Variants in SEMA5B observed in about 807,000 individuals in gnomAD.
SEMA5B encodes the protein semaphorin-5B.
A neutral mutation model predicts 135.0 loss-of-function variants in SEMA5B; 66 were observed. The ratio of observed to expected loss-of-function variants is 0.49; its 90% CI spans 0.40 to 0.60. SEMA5B has a LOEUF of 0.60. SEMA5B is among the 20% of genes least tolerant of loss of function. The probability of loss-of-function intolerance (pLI) is 0.00; values close to 1 mark genes in which losing one functional copy is unlikely to be tolerated. For synonymous variants in SEMA5B, 690 were observed against 639.5 expected (o/e 1.08, Z -1.19); for missense variants, 1,501 against 1,566.3 (o/e 0.96, Z 0.70).
chr3:122,964,700 A>G (rs953387796), intron 1 of SEMA5B, among the ~76,000 whole-genome samples: 2 of 151,664 alleles, frequency 1.3e-5, no homozygotes, highest in Non-Finnish European at 2.9e-5. Context: ...TTCTCCCTTT[A>G]CCCTTTGCTG....
At chr3:123,017,711 C>A (rs1942593643) in intron 1 of SEMA5B, among the ~76,000 whole-genome samples, 1 of 152,088 alleles carries the variant, frequency 6.6e-6, no homozygotes, top group African/African-American at 2.4e-5. Flanking sequence ...AGTTCAAGAC[C>A]AACCTGGCCA....
At chr3:122,979,321 G>T (rs1941443690) in intron 1 of SEMA5B, among the ~76,000 whole-genome samples, 1 of 152,182 alleles carries the variant, frequency 6.6e-6, no homozygotes, top group South Asian at 2.1e-4. Context: ...AGGAAGAAAT[G>T]GTTTTCTGCC....
intron 1 of SEMA5B, among the ~76,000 whole-genome samples, chr3:122,967,752 T>C (rs11717229): frequency 0.11 from 16,682 of 152,294 alleles, 1,084 homozygotes; most frequent in Middle Eastern, 0.15. Flanking sequence ...AGTCACTTGC[T>C]CAAGAATCTC....
In SEMA5B at chr3:123,007,862, A is replaced by G. The variant is rs866847138; in HGVS notation, c.-39+19602T>C. On this transcript the variant is annotated intron_variant, in intron 1 of 22. Coordinates refer to ENST00000357599, the MANE Select transcript of SEMA5B (RefSeq NM_001031702.4). ...CAGAAAATGAACTAAGACAGATACC[A>G]AGTACAGTATAAATCCAATTCCAGT... 3.9e-5 allele frequency among the ~76,000 whole-genome samples: 6 copies of G among 152,362 alleles called. No homozygotes were observed. In the Middle Eastern group the frequency reaches 0.014, roughly 345 times the overall value.
At position 123,018,338 on chromosome 3, in the gene SEMA5B, G is replaced by A. The variant is rs775282141; in HGVS notation, c.-39+9126C>T. On this transcript the variant is annotated intron_variant, in intron 1 of 22. Transcript: ENST00000357599. The stretch of plus-strand genomic sequence containing the variant: ...CTGGTTCTCCCGAGCTGAAGAGTAT[G>A]TTTTTCCATAGGAAGTCCTGCTTCT... Among the ~76,000 whole-genome samples the A allele has an allele frequency of 9.1e-4, 139 of 152,260 alleles. 3 individuals are homozygous for A. Among genetic ancestry groups the A allele is most frequent in the Non-Finnish European group, 2.1e-4 (14 of 68,044 alleles).
intron 8 of SEMA5B, among the ~76,000 whole-genome samples, chr3:122,927,284 T>G (rs1938689773): frequency 6.6e-6 from 1 of 152,186 alleles, no homozygotes; most frequent in Non-Finnish European, 1.5e-5. Flanking sequence ...ACTCCTAGGC[T>G]CAGGGCATCC....
At chr3:123,011,867 C>G (rs1025133858) in intron 1 of SEMA5B, among the ~76,000 whole-genome samples, 1 of 152,324 alleles carries the variant, frequency 6.6e-6, no homozygotes, top group Middle Eastern at 3.4e-3. Context: ...CCAGAAACCC[C>G]GCTCTGGGGC....
Position 122,909,967 on chromosome 3 carries a change from T to TC in SEMA5B, c.*175dup. 1.5e-6 allele frequency: 1 copy of TC among 647,262 alleles called. No individual in the cohort carries two copies. Among genetic ancestry groups the TC allele is most frequent in the Non-Finnish European group, 2.7e-6 (1 of 377,100 alleles). 40.1% of individuals were successfully genotyped at this position (647,262 alleles called of 1,614,324 possible). A position where few individuals can be genotyped will look rare whatever the true frequency, so the allele number is the denominator to read the frequency against. ...ATATGTCAGCCTGAAACCAGCCCTTTCCCCCATGGTCAATGCCAGCCAGAG... is the reference window on the plus strand; with the variant it reads ...ATATGTCAGCCTGAAACCAGCCCTTTCCCCCCATGGTCAATGCCAGCCAGAG... On this transcript the variant is annotated 3_prime_UTR_variant, in exon 23 of 23. Coordinates refer to ENST00000357599, the MANE Select transcript of SEMA5B (RefSeq NM_001031702.4).
At chr3:122,928,032 TTTCCCTGAGGCCCTGGGG>T (rs745900754) in intron 7 of SEMA5B, 29 bp from the exon 8 acceptor site, 1 of 1,425,442 alleles carries the variant, frequency 7.0e-7, no homozygotes, top group African/African-American at 1.5e-5. Context: ...AGGGGACACT[TTTCCCTGAGGCCCTGGGG>T]CTGCCTGTTC....
Position 122,932,285 on chromosome 3 carries a change from G to C in SEMA5B, c.475-3227C>G, listed in dbSNP as rs1413598706. On this transcript the variant is annotated intron_variant, in intron 5 of 22. Transcript: ENST00000357599. ...TTTTTTTTTTTGGAGAGAAGGTCTTGCTCTGTCCCCCAGGCTGGAGTACAG... is the reference window on the plus strand; with the variant it reads ...TTTTTTTTTTTGGAGAGAAGGTCTTCCTCTGTCCCCCAGGCTGGAGTACAG... 3.8e-5 allele frequency among the ~76,000 whole-genome samples: 4 copies of C among 106,666 alleles called. No homozygotes were observed. In the South Asian group the frequency reaches 1.3e-3, roughly 35 times the overall value. The allele number at this position is 106,666 out of a possible 152,430, so 70.0% of individuals were successfully genotyped here.
At chr3:122,945,503 T>C (rs1474253451) in intron 3 of SEMA5B, among the ~76,000 whole-genome samples, 7 of 152,190 alleles carry the variant, frequency 4.6e-5, no homozygotes, top group African/African-American at 1.7e-4. Context: ...ACATTCTCTC[T>C]ATTTTTCCAT....
At chr3:122,919,467 G>T (rs894685247) in intron 12 of SEMA5B, among the ~76,000 whole-genome samples, 1 of 152,186 alleles carries the variant, frequency 6.6e-6, no homozygotes, top group Non-Finnish European at 1.5e-5. Context: ...AAAAGAGGCA[G>T]TTGGAGATAA....
chr3:123,000,881 G>A (rs9834538), intron 1 of SEMA5B, among the ~76,000 whole-genome samples: 21,217 of 152,200 alleles, frequency 0.14, 2,295 homozygotes, highest in African/African-American at 0.3. Flanking sequence ...ACCTGCGTAC[G>A]TGGTCGTAGT....
At chr3:122,995,330 A>G (rs1410511912) in intron 1 of SEMA5B, among the ~76,000 whole-genome samples, 1 of 152,186 alleles carries the variant, frequency 6.6e-6, no homozygotes, top group African/African-American at 2.4e-5. Flanking sequence ...GTAGAACAGG[A>G]CAAGTTTCTC....
At position 122,992,215 on chromosome 3, in the gene SEMA5B, T is replaced by C. The variant is rs369423568; in HGVS notation, c.-38-30914A>G. Among the ~76,000 whole-genome samples, 12 of 152,324 alleles carry C rather than the reference T, an allele frequency of 7.9e-5. 1 individual carries two copies. Among genetic ancestry groups the C allele is most frequent in the East Asian group, 5.8e-4 (3 of 5,186 alleles). ...AAAAAAGAGTTCCCGTGCCCTTTCC[T>C]GGCAGTGCTGATAGCAAAGTGACTC... On this transcript the variant is annotated intron_variant, in intron 1 of 22. Transcript: ENST00000357599.
At chr3:122,982,602 TGCC>T (rs1328956218) in intron 1 of SEMA5B, among the ~76,000 whole-genome samples, 3 of 152,166 alleles carry the variant, frequency 2.0e-5, no homozygotes, top group Non-Finnish European at 4.4e-5. Context: ...TTTTTTCAAG[TGCC>T]CCAGCCCTCC....
intron 1 of SEMA5B, among the ~76,000 whole-genome samples, chr3:123,017,633 C>T (rs182898118): frequency 1.3e-5 from 2 of 152,218 alleles, no homozygotes; most frequent in Non-Finnish European, 2.9e-5. Context: ...GTTGGCCAGG[C>T]GCAGTGGCTC....
chr3:122,939,218 G>T (rs935314108), intron 5 of SEMA5B, among the ~76,000 whole-genome samples: 1 of 152,188 alleles, frequency 6.6e-6, no homozygotes, highest in African/African-American at 2.4e-5. Flanking sequence ...GTGCCTCTGC[G>T]TATATGTGAG....
chr3:123,022,429 G>A (rs1231459362), intron 1 of SEMA5B, among the ~76,000 whole-genome samples: 1 of 152,202 alleles, frequency 6.6e-6, no homozygotes, highest in Non-Finnish European at 1.5e-5. Flanking sequence ...AGAACAATGA[G>A]GACAGTGTCA....
Sources: gnomAD v4.1 joint callset for allele counts (sites outside exome capture counted in the v4.1 genomes callset) on GRCh38, gnomAD v4.1.1 for gene constraint, MANE v1.5 for transcripts, NCBI Gene and HGNC (gene_info 2026-07-23, HGNC 2026-07-21) for gene names.